Variants in MACROD2 observed in about 807,000 individuals in gnomAD.
The protein encoded by MACROD2 is mono-ADP ribosylhydrolase 2, also known as ADP-ribose glycohydrolase MACROD2.
MACROD2 carries 36 observed loss-of-function variants against 70.4 expected under a neutral mutation model. That is an observed-to-expected ratio of 0.51 (90% CI 0.39 to 0.68). The LOEUF is 0.68. Ranked by LOEUF, MACROD2 falls within the 30% of genes least tolerant of loss-of-function variation. The pLI is 0.00. For missense variants in MACROD2, 496 were observed against 538.4 expected (o/e 0.92, Z 0.78); for synonymous variants, 172 against 178.8 (o/e 0.96, Z 0.30).
At chr20:14,162,712 T>C (rs2055207985) in intron 3 of MACROD2, among the ~76,000 whole-genome samples, 2 of 152,116 alleles carry the variant, frequency 1.3e-5, no homozygotes. Flanking sequence ...ATGGAATATA[T>C]TTTTTCCATT....
chr20:14,447,209 G>T (rs1301515535), intron 3 of MACROD2, among the ~76,000 whole-genome samples: 1 of 151,848 alleles, frequency 6.6e-6, no homozygotes, highest in Non-Finnish European at 1.5e-5. Context: ...TAGTAGAGAT[G>T]GTATTTCACC....
At chr20:14,267,534 T>G (rs990989381) in intron 3 of MACROD2, among the ~76,000 whole-genome samples, 6 of 152,136 alleles carry the variant, frequency 3.9e-5, no homozygotes, top group Non-Finnish European at 7.4e-5. Flanking sequence ...TTCTCTATTT[T>G]AAATTTCAAG....
intron 5 of MACROD2, among the ~76,000 whole-genome samples, chr20:14,947,042 C>G (rs1029323554): frequency 6.6e-6 from 1 of 152,156 alleles, no homozygotes; most frequent in African/African-American, 2.4e-5. Flanking sequence ...TGGCCGGATA[C>G]CTGGCTGTCG....
chr20:15,676,119 C>A (rs999727371), intron 8 of MACROD2, among the ~76,000 whole-genome samples: 3 of 152,078 alleles, frequency 2.0e-5, no homozygotes, highest in African/African-American at 7.2e-5. Context: ...GTGAAAAATT[C>A]AAGATTCTAT....
intron 5 of MACROD2, among the ~76,000 whole-genome samples, chr20:15,161,378 A>G (rs1281313390): frequency 2.0e-5 from 3 of 149,824 alleles, no homozygotes; most frequent in Admixed American, 1.3e-4. Context: ...AACATATAAT[A>G]ATGTAATATA....
chr20:15,489,042 T>C (rs566083480), intron 7 of MACROD2, among the ~76,000 whole-genome samples: 5 of 152,340 alleles, frequency 3.3e-5, no homozygotes, highest in Non-Finnish European at 7.3e-5. Flanking sequence ...TAACCTTGTG[T>C]CCTATAAAAA....
chr20:15,984,849 A>G (rs1340331809), intron 13 of MACROD2, among the ~76,000 whole-genome samples: 2 of 152,142 alleles, frequency 1.3e-5, no homozygotes, highest in East Asian at 1.9e-4. Flanking sequence ...ATTGGTATAG[A>G]TGGCCTCTTT....
In MACROD2 at chr20:14,870,390, G is replaced by A. The variant is rs573292217; in HGVS notation, c.418+185431G>A. ...CTGTATCTTTGCTATCATGAATAGTGCTACAATGAACATATGCATGCATGT... is the reference window on the plus strand; with the variant it reads ...CTGTATCTTTGCTATCATGAATAGTACTACAATGAACATATGCATGCATGT... On this transcript the variant is annotated intron_variant, in intron 5 of 17. Transcript: ENST00000684519. 2.6e-5 allele frequency among the ~76,000 whole-genome samples: 4 copies of A among 152,206 alleles called. No individual in the cohort carries two copies. In the South Asian group the frequency reaches 8.3e-4, roughly 32 times the overall value.
At chr20:14,496,057 C>T (rs2084849466) in intron 4 of MACROD2, among the ~76,000 whole-genome samples, 1 of 152,100 alleles carries the variant, frequency 6.6e-6, no homozygotes, top group Non-Finnish European at 1.5e-5. Flanking sequence ...TTAGCCTTCT[C>T]TGAGCTGATT....
chr20:15,161,081 G>A (rs569713822), intron 5 of MACROD2, among the ~76,000 whole-genome samples: 2 of 152,036 alleles, frequency 1.3e-5, no homozygotes, highest in African/African-American at 4.8e-5. Flanking sequence ...TTTAAATCCT[G>A]GTTTTGCCTC....
intron 6 of MACROD2, among the ~76,000 whole-genome samples, chr20:15,431,021 A>C (rs1381891884): frequency 1.3e-5 from 2 of 152,072 alleles, no homozygotes; most frequent in African/African-American, 2.4e-5. Flanking sequence ...ACAGACACAC[A>C]TAATCTCAAG....
intron 8 of MACROD2, among the ~76,000 whole-genome samples, chr20:15,658,479 T>C (rs2049767513): frequency 6.6e-6 from 1 of 152,154 alleles, no homozygotes. Context: ...CTGTGTGTGG[T>C]CCAGCCTAGA....
chr20:15,181,511 T>G (rs1298699318), intron 5 of MACROD2, among the ~76,000 whole-genome samples: 1 of 152,222 alleles, frequency 6.6e-6, no homozygotes, highest in Non-Finnish European at 1.5e-5. Flanking sequence ...ATGTCTATCC[T>G]TTTGGATTAA....
At chr20:14,357,723 G>T (rs576991275) in intron 3 of MACROD2, among the ~76,000 whole-genome samples, 46 of 152,310 alleles carry the variant, frequency 3.0e-4, no homozygotes, top group Non-Finnish European at 5.4e-4. Flanking sequence ...GCAGCTGCTG[G>T]CTTTTACTGC....
chr20:15,096,961 G>A (rs954270128), intron 5 of MACROD2, among the ~76,000 whole-genome samples: 4 of 151,488 alleles, frequency 2.6e-5, no homozygotes, highest in Admixed American at 2.0e-4. Flanking sequence ...ACAGGTGCTC[G>A]CCACCACGCC....
intron 5 of MACROD2, among the ~76,000 whole-genome samples, chr20:15,172,882 T>A (rs1023756819): frequency 1.3e-5 from 2 of 152,222 alleles, no homozygotes; most frequent in African/African-American, 4.8e-5. Flanking sequence ...GCTGAAAATT[T>A]ACTATTTTAC....
At chr20:14,403,326 G>GACATT (rs1331117849) in intron 3 of MACROD2, among the ~76,000 whole-genome samples, 1 of 152,018 alleles carries the variant, frequency 6.6e-6, no homozygotes, top group Non-Finnish European at 1.5e-5. Flanking sequence ...TGTTAATTTT[G>GACATT]ACATTACCTT....
At chr20:15,468,310 G>C (rs1307553297) in intron 7 of MACROD2, among the ~76,000 whole-genome samples, 3 of 151,878 alleles carry the variant, frequency 2.0e-5, no homozygotes, top group Admixed American at 6.6e-5. Flanking sequence ...AAAAAAGAAA[G>C]AGAAAGAAGC....
intron 4 of MACROD2, among the ~76,000 whole-genome samples, chr20:14,596,516 C>T (rs2123393187): frequency 6.6e-6 from 1 of 150,996 alleles, no homozygotes; most frequent in Non-Finnish European, 1.5e-5. Context: ...TTTTTTCTGT[C>T]AATTACTCAT....
Sources: gnomAD v4.1 joint callset for allele counts (sites outside exome capture counted in the v4.1 genomes callset) on GRCh38, gnomAD v4.1.1 for gene constraint, MANE v1.5 for transcripts, NCBI Gene and HGNC (gene_info 2026-07-23, HGNC 2026-07-21) for gene names.